KAZN: variants seen among roughly 807,000 people sequenced by gnomAD.
KAZN encodes kazrin.
A neutral mutation model predicts 87.4 loss-of-function variants in KAZN; 40 were observed. That is an observed-to-expected ratio of 0.46 (90% CI 0.36 to 0.60). The LOEUF is 0.60. Ranked by LOEUF, KAZN falls within the 20% of genes least tolerant of loss-of-function variation. The probability of loss-of-function intolerance (pLI) is 0.00; values close to 1 mark genes in which losing one functional copy is unlikely to be tolerated. For missense variants in KAZN, 898 were observed against 1,073.9 expected, an observed-to-expected ratio of 0.84 and a Z score of 2.29; for synonymous variants, 466 against 458.3, an observed-to-expected ratio of 1.02 and a Z score of -0.22.
chr1:14,740,966 C>T (rs533742936), intron 1 of KAZN, among the ~76,000 whole-genome samples: 2 of 152,336 alleles, frequency 1.3e-5, no homozygotes, highest in East Asian at 1.9e-4. Flanking sequence ...CCTCTGTTCA[C>T]AGACCTGGAG....
At chr1:14,673,870 C>T (rs1214114921) in intron 1 of KAZN, among the ~76,000 whole-genome samples, 1 of 152,172 alleles carries the variant, frequency 6.6e-6, no homozygotes, top group African/African-American at 2.4e-5. Context: ...GTCATCAAGT[C>T]CAGGGATTCT....
At chr1:14,652,122 G>A (rs1035329666) in intron 1 of KAZN, among the ~76,000 whole-genome samples, 11 of 152,192 alleles carry the variant, frequency 7.2e-5, no homozygotes, top group Non-Finnish European at 1.2e-4. Context: ...AACAAAACAA[G>A]CTAAGCAGCA....
chr1:14,013,296 C>T (rs1435086266), intron 1 of KAZN, among the ~76,000 whole-genome samples: 1 of 152,148 alleles, frequency 6.6e-6, no homozygotes, highest in Non-Finnish European at 1.5e-5. Context: ...TTTTTTCAAA[C>T]AGGCAGGAAC....
At chr1:14,212,089 A>G (rs984246662) in intron 2 of KAZN, among the ~76,000 whole-genome samples, 11 of 152,124 alleles carry the variant, frequency 7.2e-5, no homozygotes, top group African/African-American at 2.4e-4. Context: ...CACTCCTTCC[A>G]TTGATAATGT....
At chr1:14,880,858 A>G (rs375908678) in intron 1 of KAZN, among the ~76,000 whole-genome samples, 2 of 152,218 alleles carry the variant, frequency 1.3e-5, no homozygotes, top group African/African-American at 2.4e-5. Context: ...CTGCTGTCCT[A>G]TACTGGTCAG....
chr1:14,347,915 C>T (rs1216460610), intron 2 of KAZN, among the ~76,000 whole-genome samples: 1 of 150,116 alleles, frequency 6.7e-6, no homozygotes, highest in Non-Finnish European at 1.5e-5. Flanking sequence ...GTCAGTGTCT[C>T]ACTGTGTCAC....
chr1:13,944,142 AAGAC>A (rs147400914), intron 1 of KAZN, among the ~76,000 whole-genome samples: 2,564 of 152,316 alleles, frequency 0.017, 69 homozygotes, highest in African/African-American at 0.056. Flanking sequence ...TAATTGGTGA[AAGAC>A]AGAGAAGTGT....
chr1:14,624,182 G>A (rs1420075713), intron 1 of KAZN, among the ~76,000 whole-genome samples: 1 of 152,156 alleles, frequency 6.6e-6, no homozygotes, highest in East Asian at 1.9e-4. Context: ...CAGCACTTTG[G>A]GAGGCTGAGG....
chr1:14,550,499 A>G (rs1438614350), intron 2 of KAZN, among the ~76,000 whole-genome samples: 1 of 152,068 alleles, frequency 6.6e-6, no homozygotes, highest in African/African-American at 2.4e-5. Context: ...GCTAGAGTGG[A>G]GGGAATGAGT....
intron 2 of KAZN, among the ~76,000 whole-genome samples, chr1:14,290,448 T>A (rs1653592479): frequency 6.6e-6 from 1 of 152,210 alleles, no homozygotes; most frequent in Non-Finnish European, 1.5e-5. Flanking sequence ...ACTGATACCC[T>A]TTCTCCCACT....
intron 1 of KAZN, among the ~76,000 whole-genome samples, chr1:14,836,276 G>T (rs557376513): frequency 6.6e-6 from 1 of 152,232 alleles, no homozygotes; most frequent in African/African-American, 2.4e-5. Flanking sequence ...GGAAGTTTCT[G>T]GTCCAGGTCC....
At chr1:14,765,099 C>G (rs975933011) in intron 1 of KAZN, among the ~76,000 whole-genome samples, 16 of 152,196 alleles carry the variant, frequency 1.1e-4, no homozygotes, top group African/African-American at 2.9e-4. Flanking sequence ...AGCCGCAGCA[C>G]TGTTGGTGTT....
chr1:14,030,019 T>C (rs1641249480), intron 1 of KAZN, among the ~76,000 whole-genome samples: 1 of 152,146 alleles, frequency 6.6e-6, no homozygotes, highest in East Asian at 1.9e-4. Context: ...AAGAAAGTCA[T>C]TGGTAGCTTT....
Position 14,836,709 on chromosome 1 carries a change from G to A in KAZN, c.227-123975G>A, listed in dbSNP as rs576902005. Among the ~76,000 whole-genome samples the A allele has an allele frequency of 5.3e-5, 8 of 152,248 alleles. No homozygotes were observed. In the East Asian group the frequency reaches 7.7e-4, roughly 15 times the overall value. ...CCTCCACCCAAGCCAAGTCCTGCAC[G>A]ATGTGGGGAGGGAAATGGAGAGGGG... On this transcript the variant is annotated intron_variant, in intron 1 of 14. Coordinates refer to ENST00000376030, the MANE Select transcript of KAZN (RefSeq NM_201628.3).
intron 1 of KAZN, among the ~76,000 whole-genome samples, chr1:14,669,137 T>C (rs564936422): frequency 6.6e-6 from 1 of 152,332 alleles, no homozygotes; most frequent in African/African-American, 2.4e-5. Context: ...GGCTAGGAGT[T>C]GGCCTGGGGT....
At chr1:14,418,939 G>T (rs10927430) in intron 2 of KAZN, among the ~76,000 whole-genome samples, 1 of 152,124 alleles carries the variant, frequency 6.6e-6, no homozygotes, top group Non-Finnish European at 1.5e-5. Context: ...GGACCACCTC[G>T]GCACCCAGAA....
intron 2 of KAZN, among the ~76,000 whole-genome samples, chr1:14,347,855 T>C (rs1658221099): frequency 6.6e-6 from 1 of 151,656 alleles, no homozygotes; most frequent in Non-Finnish European, 1.5e-5. Flanking sequence ...AATGGGCATA[T>C]ACTACTATTT....
intron 2 of KAZN, among the ~76,000 whole-genome samples, chr1:14,988,859 T>A (rs868154459): frequency 1.2e-4 from 18 of 152,208 alleles, no homozygotes; most frequent in Non-Finnish European, 2.2e-4. Flanking sequence ...CCGGGGCTTC[T>A]CAGCCCTGGC....
chr1:14,837,633 G>A (rs930687350), intron 1 of KAZN, among the ~76,000 whole-genome samples: 2 of 148,914 alleles, frequency 1.3e-5, no homozygotes, highest in Non-Finnish European at 3.0e-5. Context: ...GCTCACTGCA[G>A]CCTCAACCTC....
Sources: allele counts gnomAD v4.1 joint callset (sites outside exome capture counted in the v4.1 genomes callset), GRCh38; gene constraint gnomAD v4.1.1; transcripts MANE v1.5; gene names NCBI Gene and HGNC (gene_info 2026-07-23, HGNC 2026-07-21).